The following ADAMTSL3 variants were observed in gnomAD, a reference collection of about 807,000 sequenced individuals.
ADAMTSL3 encodes the protein ADAMTS-like protein 3.
A neutral mutation model predicts 201.7 loss-of-function variants in ADAMTSL3; 128 were observed. The ratio of observed to expected loss-of-function variants is 0.63; its 90% confidence interval spans 0.55 to 0.73. The LOEUF (loss-of-function observed/expected upper bound fraction) is 0.73, where lower values mean the gene tolerates loss of function less well. Among genes scored for constraint, ADAMTSL3 ranks in the 30% least tolerant of loss-of-function variants. The pLI is 0.00. For synonymous variants in ADAMTSL3, 738 were observed against 748.4 expected, an observed-to-expected ratio of 0.99 and a Z score of 0.23; for missense variants, 1,990 against 2,119.6, an observed-to-expected ratio of 0.94 and a Z score of 1.20.
At chr15:83,967,022 A>G (rs1364252586) in intron 19 of ADAMTSL3, among the ~76,000 whole-genome samples, 4 of 152,150 alleles carry the variant, frequency 2.6e-5, no homozygotes, top group African/African-American at 9.7e-5. Context: ...GGTATTGATG[A>G]AATGTATCTC....
At chr15:83,833,277 A>G (rs1366353768) in intron 6 of ADAMTSL3, among the ~76,000 whole-genome samples, 1 of 152,016 alleles carries the variant, frequency 6.6e-6, no homozygotes, top group African/African-American at 2.4e-5. Context: ...GAGGCTGGGA[A>G]GTCCAAAATC....
chr15:83,928,277 G>A (rs137888568), intron 17 of ADAMTSL3, among the ~76,000 whole-genome samples: 7 of 152,112 alleles, frequency 4.6e-5, no homozygotes, highest in African/African-American at 1.7e-4. Flanking sequence ...AACCTTCCAA[G>A]CCCCTAGGAT....
intron 2 of ADAMTSL3, among the ~76,000 whole-genome samples, chr15:83,656,902 A>G (rs938412819): frequency 6.6e-6 from 1 of 152,198 alleles, no homozygotes; most frequent in South Asian, 2.1e-4. Context: ...ACTTTCTTGG[A>G]CTTAGTGCCT....
intron 21 of ADAMTSL3, 68 bp from the exon 22 acceptor site, chr15:83,988,623 C>T: frequency 6.6e-6 from 9 of 1,366,176 alleles, no homozygotes; most frequent in African/African-American, 2.9e-5. Context: ...TCTTTCTCTG[C>T]AACTCACTGT....
intron 2 of ADAMTSL3, among the ~76,000 whole-genome samples, chr15:83,664,728 C>T (rs1469515388): frequency 1.3e-5 from 2 of 152,166 alleles, no homozygotes; most frequent in African/African-American, 4.8e-5. Context: ...GCCTGTGATC[C>T]GAGCACCTTG....
At position 83,887,392 on chromosome 15, in the gene ADAMTSL3, T is replaced by G. The variant is rs945978696; in HGVS notation, c.1072+2180T>G. Among the ~76,000 whole-genome samples, 9 of 152,192 alleles carry G rather than the reference T, an allele frequency of 5.9e-5. No homozygotes were observed. The South Asian group carries it at 1.0e-3, about 18-fold the overall frequency. On this transcript the variant is annotated intron_variant, in intron 10 of 29. Transcript: ENST00000286744. ...GTGGAAATCTATCCCTTGTCACAAA[T>G]AGAGTACAATCACAAAATTAATACA...
At chr15:83,788,358 T>G (rs2063296136) in intron 4 of ADAMTSL3, among the ~76,000 whole-genome samples, 1 of 152,226 alleles carries the variant, frequency 6.6e-6, no homozygotes, top group African/African-American at 2.4e-5. Flanking sequence ...ACTTCTTTCC[T>G]GTGTTAGATC....
intron 3 of ADAMTSL3, among the ~76,000 whole-genome samples, chr15:83,745,334 G>A (rs1478571560): frequency 1.3e-5 from 2 of 152,220 alleles, no homozygotes; most frequent in Non-Finnish European, 2.9e-5. Context: ...TTGTGTGGAT[G>A]CTAAAGGCTG....
rs12901128 is a variant in ADAMTSL3 at position 83,838,323 on chromosome 15, C to T, written c.727+108C>T. 0.17 allele frequency: 234,677 copies of T among 1,358,378 alleles called. 22,320 individuals are homozygous for T. The highest frequency in any genetic ancestry group is 0.37 in the Middle Eastern group (1,980 of 5,366). 84.1% of individuals were successfully genotyped at this position (1,358,378 alleles called of 1,614,324 possible). ...GTTAAGCTTTTTTAGTTGGAAGTAGCTTTTGTACCAATTTTCTAAAAGTGA... is the reference window on the plus strand; with the variant it reads ...GTTAAGCTTTTTTAGTTGGAAGTAGTTTTTGTACCAATTTTCTAAAAGTGA... On this transcript the variant is annotated intron_variant, in intron 7 of 29. Coordinates refer to ENST00000286744, the MANE Select transcript of ADAMTSL3 (RefSeq NM_207517.3).
At chr15:83,961,427 C>G (rs1338424846) in intron 19 of ADAMTSL3, 3 of 152,146 alleles carry the variant, frequency 2.0e-5, no homozygotes, top group Non-Finnish European at 4.4e-5. Context: ...GGAATTAATT[C>G]CCTTTAATAA....
At chr15:84,019,372 C>A (rs557616316) in intron 25 of ADAMTSL3, among the ~76,000 whole-genome samples, 4 of 151,878 alleles carry the variant, frequency 2.6e-5, no homozygotes, top group Non-Finnish European at 5.9e-5. Context: ...CACCTACCCT[C>A]GACCTAGCAG....
At chr15:83,715,796 C>T (rs2062009192) in intron 3 of ADAMTSL3, among the ~76,000 whole-genome samples, 1 of 152,218 alleles carries the variant, frequency 6.6e-6, no homozygotes, top group Admixed American at 6.5e-5. Context: ...TCCCCCATTT[C>T]TCTCTGTGTG....
intron 9 of ADAMTSL3, among the ~76,000 whole-genome samples, chr15:83,877,898 A>T (rs1056668094): frequency 6.6e-6 from 1 of 151,896 alleles, no homozygotes; most frequent in Admixed American, 6.6e-5. Flanking sequence ...GGAAATATTG[A>T]TTTTTGTGTA....
At chr15:83,804,573 C>CTTTTTT in intron 4 of ADAMTSL3, 77 bp from the exon 5 acceptor site, 1 of 655,564 alleles carries the variant, frequency 1.5e-6, no homozygotes, top group Non-Finnish European at 2.3e-6. Flanking sequence ...CTTGTATTTG[C>CTTTTTT]TTTTTTTTTT....
At chr15:83,761,739 CTTTATGTTTAAGAA>C (rs1407912709) in intron 3 of ADAMTSL3, among the ~76,000 whole-genome samples, 3 of 152,110 alleles carry the variant, frequency 2.0e-5, no homozygotes, top group African/African-American at 7.2e-5. Flanking sequence ...TGTAAAGTAT[CTTTATGTTTAAGAA>C]TTTATTTTTA....
At chr15:83,705,750 C>A (rs552200557) in intron 3 of ADAMTSL3, among the ~76,000 whole-genome samples, 29 of 152,272 alleles carry the variant, frequency 1.9e-4, no homozygotes, top group African/African-American at 6.7e-4. Context: ...AGTGACCTAC[C>A]CTTGGTGGGC....
intron 7 of ADAMTSL3, among the ~76,000 whole-genome samples, chr15:83,839,810 A>G (rs1357363427): frequency 6.6e-6 from 1 of 152,072 alleles, no homozygotes; most frequent in Non-Finnish European, 1.5e-5. Context: ...CATGTTTGCT[A>G]TTCATTTGGG....
intron 5 of ADAMTSL3, among the ~76,000 whole-genome samples, chr15:83,806,245 A>G (rs1336875333): frequency 6.9e-6 from 1 of 144,652 alleles, no homozygotes; most frequent in Non-Finnish European, 1.5e-5. Context: ...CCTGCAAGGA[A>G]CAGGTCCTGC....
Position 84,039,612 on chromosome 15 carries a change from T to C in ADAMTSL3, c.*1806T>C, listed in dbSNP as rs2068571078. ...GTATGTAATAAAGACATGGGACATATATTTTTCTTATTAACAAAATTTCAT... is the reference window on the plus strand; with the variant it reads ...GTATGTAATAAAGACATGGGACATACATTTTTCTTATTAACAAAATTTCAT... On this transcript the variant is annotated 3_prime_UTR_variant, in exon 30 of 30. Transcript: ENST00000286744. 1 of 152,692 alleles carries C rather than the reference T, an allele frequency of 6.5e-6. No individual in the cohort carries two copies. The highest frequency in any genetic ancestry group is 6.5e-5 in the Admixed American group (1 of 15,288). 9.5% of individuals were successfully genotyped at this position (152,692 alleles called of 1,614,324 possible).
Sources: gnomAD v4.1 joint callset for allele counts (sites outside exome capture counted in the v4.1 genomes callset) on GRCh38, gnomAD v4.1.1 for gene constraint, MANE v1.5 for transcripts, NCBI Gene and HGNC (gene_info 2026-07-23, HGNC 2026-07-21) for gene names.